Variants in BRINP3 observed in about 807,000 individuals in gnomAD.
BRINP3 encodes the protein BMP/retinoic acid inducible neural specific 3.
Under a neutral mutation model 71.0 loss-of-function variants are expected in BRINP3, and 19 were observed. That is an observed-to-expected ratio of 0.27 (90% CI 0.19 to 0.39). The LOEUF is 0.39. Among genes scored for constraint, BRINP3 ranks in the 10% least tolerant of loss-of-function variants. The pLI, the probability that BRINP3 is intolerant of heterozygous loss-of-function variation, is 1.00. For missense variants in BRINP3, 959 were observed against 940.8 expected, an observed-to-expected ratio of 1.02 and a Z score of -0.25; for synonymous variants, 380 against 337.7, an observed-to-expected ratio of 1.13 and a Z score of -1.37.
chr1:190,161,021 G>T, intron 6 of BRINP3, 131 bp from the exon 7 acceptor site: 1 of 608,138 alleles, frequency 1.6e-6, no homozygotes, highest in Non-Finnish European at 2.8e-6. Context: ...TAAATACAGT[G>T]CCTCATTTGT....
chr1:190,147,738 A>G lies in BRINP3; in HGVS notation c.1184+12930T>C, dbSNP rs1656014299. 2.0e-5 allele frequency among the ~76,000 whole-genome samples: 3 copies of G among 152,304 alleles called. No individual in the cohort carries two copies. The South Asian group carries it at 6.2e-4, about 32-fold the overall frequency. On this transcript the variant is annotated intron_variant, in intron 7 of 7. Coordinates refer to ENST00000367462, the MANE Select transcript of BRINP3 (RefSeq NM_199051.3). Reference sequence around the variant, plus strand: ...CCTCTCATGGTTAGATTGGACTGCTATATTTGCTTTTATAACCATGTACTA... The same window carrying G: ...CCTCTCATGGTTAGATTGGACTGCTGTATTTGCTTTTATAACCATGTACTA...
chr1:190,264,371 T>C (rs762917192), intron 4 of BRINP3, among the ~76,000 whole-genome samples: 40 of 152,178 alleles, frequency 2.6e-4, no homozygotes, highest in Non-Finnish European at 5.9e-5. Context: ...CATATAACCA[T>C]GCACCTGTAC....
intron 2 of BRINP3, among the ~76,000 whole-genome samples, chr1:190,283,113 A>T (rs891993638): frequency 6.6e-6 from 1 of 152,024 alleles, no homozygotes; most frequent in African/African-American, 2.4e-5. Flanking sequence ...GTCACTAATT[A>T]TATGATCAGA....
chr1:190,272,740 G>T lies in BRINP3; in HGVS notation c.428-7685C>A, dbSNP rs1662218263. 2.0e-5 allele frequency among the ~76,000 whole-genome samples: 3 copies of T among 151,336 alleles called. No homozygotes were observed. The South Asian group carries it at 6.2e-4, about 31-fold the overall frequency. On this transcript the variant is annotated intron_variant, in intron 3 of 7. Transcript: ENST00000367462. ...TTATCATTTCTAATAGCCTGATAAA[G>T]ATAATCCATTAATAAATTGCTCATG...
chr1:190,320,532 T>C (rs916386866), intron 2 of BRINP3, among the ~76,000 whole-genome samples: 2 of 152,112 alleles, frequency 1.3e-5, no homozygotes, highest in African/African-American at 4.8e-5. Context: ...TATTTATTCA[T>C]TCATTCATTC....
intron 4 of BRINP3, among the ~76,000 whole-genome samples, chr1:190,248,150 T>C (rs1659783920): frequency 6.6e-6 from 1 of 151,872 alleles, no homozygotes; most frequent in Admixed American, 6.6e-5. Context: ...ATTTTAGTTA[T>C]TTTAGTGGGA....
chr1:190,434,330 G>A (rs1308564359), intron 2 of BRINP3, among the ~76,000 whole-genome samples: 3 of 151,786 alleles, frequency 2.0e-5, no homozygotes, highest in African/African-American at 4.8e-5. Flanking sequence ...GGCTGGTCTC[G>A]AATTCCTGAC....
At chr1:190,159,589 T>G (rs1657165574) in intron 7 of BRINP3, among the ~76,000 whole-genome samples, 2 of 152,040 alleles carry the variant, frequency 1.3e-5, no homozygotes, top group Non-Finnish European at 2.9e-5. Flanking sequence ...AGGCCATATA[T>G]TGTACGATCC....
intron 2 of BRINP3, among the ~76,000 whole-genome samples, chr1:190,429,320 T>C (rs553362044): frequency 8.2e-4 from 125 of 152,296 alleles, no homozygotes; most frequent in African/African-American, 3.0e-3. Context: ...AAAAATGTTT[T>C]TAATAAATTG....
chr1:190,121,433 T>G (rs1283245518), intron 7 of BRINP3, among the ~76,000 whole-genome samples: 1 of 152,104 alleles, frequency 6.6e-6, no homozygotes, highest in Non-Finnish European at 1.5e-5. Context: ...AAACAAAGAC[T>G]ACATAGTGAT....
intron 6 of BRINP3, among the ~76,000 whole-genome samples, chr1:190,203,969 CA>C (rs1347696907): frequency 6.6e-6 from 1 of 150,698 alleles, no homozygotes; most frequent in Non-Finnish European, 1.5e-5. Flanking sequence ...GAATTTGTTA[CA>C]AATATTGGCC....
intron 6 of BRINP3, among the ~76,000 whole-genome samples, chr1:190,220,113 C>T (rs568644260): frequency 1.3e-5 from 2 of 152,100 alleles, no homozygotes; most frequent in South Asian, 4.1e-4. Context: ...GAATACTAGT[C>T]AGATTCAATC....
chr1:190,468,528 A>G (rs774538052), intron 1 of BRINP3, among the ~76,000 whole-genome samples: 1 of 151,254 alleles, frequency 6.6e-6, no homozygotes, highest in Non-Finnish European at 1.5e-5. Context: ...ACATACAAAA[A>G]CCTGCCAGAG....
At chr1:190,293,052 T>G (rs751551072) in intron 2 of BRINP3, among the ~76,000 whole-genome samples, 2 of 152,064 alleles carry the variant, frequency 1.3e-5, no homozygotes, top group African/African-American at 2.4e-5. Flanking sequence ...CTTTACTATT[T>G]CTTTTCTTTT....
chr1:190,342,013 GTT>G (rs34821476), intron 2 of BRINP3, among the ~76,000 whole-genome samples: 137 of 147,638 alleles, frequency 9.3e-4, no homozygotes, highest in Admixed American at 3.2e-3. Context: ...CTATTTCTGT[GTT>G]TTTTTTTTTG....
intron 2 of BRINP3, among the ~76,000 whole-genome samples, chr1:190,307,198 T>A (rs1665164461): frequency 6.6e-6 from 1 of 150,616 alleles, no homozygotes; most frequent in Admixed American, 6.7e-5. Context: ...CAATATTTAT[T>A]AAATATTTTA....
chr1:190,387,888 G>T (rs916879957), intron 2 of BRINP3, among the ~76,000 whole-genome samples: 5 of 151,454 alleles, frequency 3.3e-5, no homozygotes, highest in Admixed American at 1.3e-4. Context: ...CAATTTCTGG[G>T]TATTTCTCCT....
At chr1:190,121,504 ATGTT>A (rs1653658679) in intron 7 of BRINP3, among the ~76,000 whole-genome samples, 1 of 152,192 alleles carries the variant, frequency 6.6e-6, no homozygotes, top group Non-Finnish European at 1.5e-5. Flanking sequence ...TGCTATTGAT[ATGTT>A]TGTATTTACT....
chr1:190,409,486 A>G (rs1236286995), intron 2 of BRINP3, among the ~76,000 whole-genome samples: 2 of 152,144 alleles, frequency 1.3e-5, no homozygotes, highest in Non-Finnish European at 2.9e-5. Context: ...GACCTTGTAA[A>G]GGTTATTTTA....
Sources: gnomAD v4.1 joint callset for allele counts (sites outside exome capture counted in the v4.1 genomes callset) on GRCh38, gnomAD v4.1.1 for gene constraint, MANE v1.5 for transcripts, NCBI Gene and HGNC (gene_info 2026-07-23, HGNC 2026-07-21) for gene names.